The following STAT3 variants were observed in gnomAD, a reference collection of about 807,000 sequenced individuals.
STAT3 encodes the protein DNA-binding protein APRF.
STAT3 carries 7 observed loss-of-function variants against 114.3 expected under a neutral mutation model. That is an observed-to-expected ratio of 0.06 (90% CI 0.03 to 0.11). STAT3 has a LOEUF of 0.11. STAT3 is among the 10% of genes least tolerant of loss of function. The probability of loss-of-function intolerance (pLI) is 1.00; values close to 1 mark genes in which losing one functional copy is unlikely to be tolerated. For missense variants in STAT3, 364 were observed against 960.9 expected (o/e 0.38, Z 8.21); for synonymous variants, 331 against 354.5 (o/e 0.93, Z 0.74).
intron 1 of STAT3, among the ~76,000 whole-genome samples, chr17:42,382,863 GTCTCGA>G (rs2084879927): frequency 6.6e-6 from 1 of 151,940 alleles, no homozygotes; most frequent in Non-Finnish European, 1.5e-5. Context: ...AGCCAGGATG[GTCTCGA>G]TCTCCTGACC....
chr17:42,384,863 A>G (rs1202297355), intron 1 of STAT3, among the ~76,000 whole-genome samples: 1 of 152,140 alleles, frequency 6.6e-6, no homozygotes, highest in Non-Finnish European at 1.5e-5. Context: ...CTTTACACCT[A>G]TCAAATTCCA....
At chr17:42,343,687 T>C (rs2082558669) in intron 4 of STAT3, among the ~76,000 whole-genome samples, 1 of 152,116 alleles carries the variant, frequency 6.6e-6, no homozygotes, top group Admixed American at 6.5e-5. Context: ...TCTCTTGACC[T>C]CATGATCTGC....
chr17:42,349,445 A>G (rs755002267), intron 1 of STAT3, among the ~76,000 whole-genome samples: 5 of 152,220 alleles, frequency 3.3e-5, no homozygotes, highest in Non-Finnish European at 7.3e-5. Context: ...TACTGTAGCC[A>G]AAATGTAGAA....
chr17:42,370,221 G>A (rs1216760816), intron 1 of STAT3, among the ~76,000 whole-genome samples: 1 of 151,432 alleles, frequency 6.6e-6, no homozygotes. Context: ...CAAAGTGCTA[G>A]GATTATAGGC....
At chr17:42,355,235 G>A (rs1235894999) in intron 1 of STAT3, among the ~76,000 whole-genome samples, 1 of 152,258 alleles carries the variant, frequency 6.6e-6, no homozygotes, top group African/African-American at 2.4e-5. Context: ...TTCTAAGCCT[G>A]TGGGTTTTTA....
intron 1 of STAT3, among the ~76,000 whole-genome samples, chr17:42,373,194 C>G (rs770306198): frequency 6.6e-5 from 10 of 151,982 alleles, no homozygotes; most frequent in Non-Finnish European, 1.2e-4. Flanking sequence ...ATCAAACATA[C>G]AAAAAATTAG....
At chr17:42,356,890 T>C (rs2083254992) in intron 1 of STAT3, among the ~76,000 whole-genome samples, 2 of 152,154 alleles carry the variant, frequency 1.3e-5, no homozygotes, top group South Asian at 4.1e-4. Flanking sequence ...TGAGTTCAAG[T>C]GATTCTCATG....
intron 1 of STAT3, among the ~76,000 whole-genome samples, chr17:42,359,235 C>T (rs1363556130): frequency 6.6e-6 from 1 of 152,090 alleles, no homozygotes; most frequent in Non-Finnish European, 1.5e-5. Context: ...CGCACCCAGC[C>T]AGATATTTCT....
intron 1 of STAT3, among the ~76,000 whole-genome samples, chr17:42,383,324 T>C (rs997164706): frequency 1.3e-5 from 2 of 151,728 alleles, no homozygotes; most frequent in Non-Finnish European, 2.9e-5. Flanking sequence ...CACAAAGCGC[T>C]GGGATTACAG....
At chr17:42,335,130 T>TTTC (rs2082179351) in intron 8 of STAT3, among the ~76,000 whole-genome samples, 1 of 120,112 alleles carries the variant, frequency 8.3e-6, no homozygotes, top group African/African-American at 5.6e-5. Flanking sequence ...TCTTTCTTTC[T>TTTC]TTTTTTTTTT....
chr17:42,317,441 A>C, intron 21 of STAT3: 2 of 633,958 alleles, frequency 3.2e-6, no homozygotes, highest in Non-Finnish European at 5.6e-6. Flanking sequence ...AGTTCTTTGC[A>C]CAAAGCTGTC....
At chr17:42,342,801 T>G (rs2082501845) in intron 4 of STAT3, among the ~76,000 whole-genome samples, 1 of 152,050 alleles carries the variant, frequency 6.6e-6, no homozygotes. Context: ...CATGACTAAT[T>G]AAAACATCAT....
At position 42,323,366 on chromosome 17, in the gene STAT3, A is replaced by G; in HGVS notation, c.1654-12T>C. 6.2e-7 allele frequency: 1 copy of G among 1,614,064 alleles called. No individual in the cohort carries two copies. Among genetic ancestry groups the G allele is most frequent in the Non-Finnish European group, 8.5e-7 (1 of 1,179,924 alleles). On this transcript the variant is annotated splice_polypyrimidine_tract_variant and intron_variant, in intron 18 of 23. Transcript: ENST00000264657. ...CCAGCCATGTTTTCCTGGAGAAAAG[A>G]GTAATGGGAAAGCCAAGTCTACTGC...
intron 5 of STAT3, 136 bp downstream of exon 5, chr17:42,339,178 C>A: frequency 2.4e-6 from 2 of 824,318 alleles, no homozygotes; most frequent in Non-Finnish European, 3.9e-6. Context: ...ATCGCTTGGG[C>A]CTGAGAGGTC....
intron 13 of STAT3, 29 bp from the exon 14 acceptor site, chr17:42,329,486 T>C (rs764763645): frequency 1.4e-5 from 22 of 1,614,120 alleles, no homozygotes; most frequent in Non-Finnish European, 1.6e-5. Flanking sequence ...GCAGGTGTCC[T>C]GTGAGGCTCT....
intron 1 of STAT3, 154 bp downstream of exon 1, chr17:42,388,125 T>C: frequency 1.1e-6 from 1 of 925,146 alleles, no homozygotes; most frequent in Non-Finnish European, 1.4e-6. Context: ...TCCCGAAGAG[T>C]CTTCCCTCAG....
intron 4 of STAT3, among the ~76,000 whole-genome samples, chr17:42,341,767 G>A (rs996906359): frequency 6.6e-6 from 1 of 151,872 alleles, no homozygotes; most frequent in Non-Finnish European, 1.5e-5. Flanking sequence ...TGGTTTCCTG[G>A]GTCATACAGT....
At chr17:42,381,524 G>C (rs1452711494) in intron 1 of STAT3, among the ~76,000 whole-genome samples, 2 of 151,950 alleles carry the variant, frequency 1.3e-5, no homozygotes, top group Non-Finnish European at 2.9e-5. Context: ...AGGAGATTGA[G>C]ACCATCCTGG....
rs35455295 is a variant in STAT3 at position 42,344,420 on chromosome 17, C to CA, written c.372+1138dup. 9.7e-3 allele frequency among the ~76,000 whole-genome samples: 1,180 copies of CA among 121,816 alleles called. 46 individuals are homozygous for CA. The highest frequency in any genetic ancestry group is 0.084 in the Admixed American group (918 of 10,900). The allele number at this position is 121,816 out of a possible 152,430, so 79.9% of individuals were successfully genotyped here. On this transcript the variant is annotated intron_variant, in intron 4 of 23. Coordinates refer to ENST00000264657, the MANE Select transcript of STAT3 (RefSeq NM_139276.3). ...CTGGCAACAGAGCAAGACTCTGTCT[C>CA]AAAAAAAAAAAAAAGGCTGGGCGTG...
Sources: gnomAD v4.1 joint callset for allele counts (sites outside exome capture counted in the v4.1 genomes callset) on GRCh38, gnomAD v4.1.1 for gene constraint, MANE v1.5 for transcripts, NCBI Gene and HGNC (gene_info 2026-07-23, HGNC 2026-07-21) for gene names.